ATP6V1C2: variants seen among roughly 807,000 people sequenced by gnomAD.
ATP6V1C2 encodes ATPase H+ transporting V1 subunit C2.
Under a neutral mutation model 56.8 loss-of-function variants are expected in ATP6V1C2, and 45 were observed. That is an observed-to-expected ratio of 0.79 (90% CI 0.62 to 1.02). The LOEUF is 1.02. ATP6V1C2 is among the 50% of genes least tolerant of loss of function. The pLI is 0.00. For synonymous variants in ATP6V1C2, 220 were observed against 201.3 expected (o/e 1.09, Z -0.79); for missense variants, 463 against 519.7 (o/e 0.89, Z 1.06).
Position 10,784,254 on chromosome 2 carries a change from G to C in ATP6V1C2, c.*991G>C. On this transcript the variant is annotated 3_prime_UTR_variant, in exon 14 of 14. Coordinates refer to ENST00000272238, the MANE Select transcript of ATP6V1C2 (RefSeq NM_001039362.2). ...AAAATGGTCTGAAGCCTCTGTTGTG[G>C]CTCTCACAACTCATCTTTCCCTAAG... 6.2e-7 allele frequency: 1 copy of C among 1,608,614 alleles called. No homozygotes were observed. The highest frequency in any genetic ancestry group is 1.7e-4 in the Middle Eastern group (1 of 6,048).
intron 3 of ATP6V1C2, among the ~76,000 whole-genome samples, chr2:10,749,991 A>T (rs886132108): frequency 6.6e-6 from 1 of 152,234 alleles, no homozygotes; most frequent in African/African-American, 2.4e-5. Context: ...TGAAAAAAGT[A>T]CATTTAACAC....
rs144683110 is a variant in ATP6V1C2 at position 10,768,587 on chromosome 2, A to G, written c.379-132A>G. On this transcript the variant is annotated intron_variant, in intron 5 of 13. Transcript: ENST00000272238. ...GGAAGGGCCAAATGCTGGTAAACAG[A>G]AGCCATCCCAGCAAATGGGCAGGGC... 6.2e-4 allele frequency: 452 copies of G among 730,206 alleles called. 2 individuals are homozygous for G. In the African/African-American group the frequency reaches 6.8e-3, roughly 11 times the overall value. 45.2% of individuals were successfully genotyped at this position (730,206 alleles called of 1,614,324 possible).
chr2:10,733,649 C>A (rs914473677), intron 3 of ATP6V1C2, among the ~76,000 whole-genome samples: 3 of 148,930 alleles, frequency 2.0e-5, no homozygotes, highest in African/African-American at 7.5e-5. Flanking sequence ...AAAAAAAAAA[C>A]CTCTCTCCCT....
At chr2:10,747,628 G>T (rs1335206714) in intron 3 of ATP6V1C2, among the ~76,000 whole-genome samples, 6 of 152,080 alleles carry the variant, frequency 3.9e-5, no homozygotes, top group Admixed American at 1.3e-4. Flanking sequence ...AGAAGGCTGA[G>T]GTGGGAGGAT....
rs1558434717 is a variant in ATP6V1C2 at position 10,784,224 on chromosome 2, A to G, written c.*961A>G. The G allele has an allele frequency of 1.3e-6, 2 of 1,571,164 alleles. No homozygotes were observed. Among genetic ancestry groups the G allele is most frequent in the African/African-American group, 1.4e-5 (1 of 73,642 alleles). On this transcript the variant is annotated 3_prime_UTR_variant, in exon 14 of 14. Transcript: ENST00000272238. Reference sequence around the variant, plus strand: ...CTGGAAAAATCCACTGGCTCCCAAGAAAAGAAAATGGTCTGAAGCCTCTGT... The same window carrying G: ...CTGGAAAAATCCACTGGCTCCCAAGGAAAGAAAATGGTCTGAAGCCTCTGT...
intron 12 of ATP6V1C2, 140 bp from the exon 13 acceptor site, chr2:10,782,103 G>C: frequency 1.0e-6 from 1 of 960,930 alleles, no homozygotes; most frequent in Non-Finnish European, 1.6e-6. Flanking sequence ...CTGACCCTAG[G>C]CATTTTGCTC....
intron 4 of ATP6V1C2, among the ~76,000 whole-genome samples, chr2:10,761,708 CT>C (rs1486080603): frequency 6.6e-6 from 1 of 152,170 alleles, no homozygotes; most frequent in African/African-American, 2.4e-5. Flanking sequence ...TCCTTGGTGC[CT>C]GTATGAGGAC....
chr2:10,778,502 C>A (rs760212260), intron 11 of ATP6V1C2, 70 bp from the exon 12 acceptor site: 21 of 1,472,294 alleles, frequency 1.4e-5, no homozygotes, highest in Non-Finnish European at 1.9e-5. Flanking sequence ...TGTCAAAACC[C>A]AAGTCCTTTC....
chr2:10,753,502 A>G (rs565466028), intron 3 of ATP6V1C2, among the ~76,000 whole-genome samples: 1 of 151,304 alleles, frequency 6.6e-6, no homozygotes, highest in South Asian at 2.1e-4. Flanking sequence ...GCTTCCCAGA[A>G]GTGGAATTAC....
rs1665584020 is a variant in ATP6V1C2, at chr2:10,784,255, C to T, written c.*992C>T. 6.2e-7 allele frequency: 1 copy of T among 1,609,324 alleles called. No homozygotes were observed. Among genetic ancestry groups the T allele is most frequent in the African/African-American group, 1.3e-5 (1 of 74,756 alleles). ...AAATGGTCTGAAGCCTCTGTTGTGG[C>T]TCTCACAACTCATCTTTCCCTAAGT... On this transcript the variant is annotated 3_prime_UTR_variant, in exon 14 of 14. Coordinates refer to ENST00000272238, the MANE Select transcript of ATP6V1C2 (RefSeq NM_001039362.2).
At chr2:10,749,044 C>T (rs1663069798) in intron 3 of ATP6V1C2, among the ~76,000 whole-genome samples, 1 of 148,740 alleles carries the variant, frequency 6.7e-6, no homozygotes, top group Non-Finnish European at 1.5e-5. Context: ...GCAGGAGAAT[C>T]ACTTGAACCC....
chr2:10,776,436 C>T (rs60810333), intron 10 of ATP6V1C2, among the ~76,000 whole-genome samples: 5,426 of 152,242 alleles, frequency 0.036, 330 homozygotes, highest in African/African-American at 0.12. Flanking sequence ...TGGGGACCCC[C>T]AGCCCTTTGG....
Position 10,760,323 on chromosome 2 carries a change from A to G in ATP6V1C2, c.284-4008A>G, listed in dbSNP as rs183050868. 4.8e-3 allele frequency among the ~76,000 whole-genome samples: 727 copies of G among 152,018 alleles called. 9 individuals carry two copies. The highest frequency in any genetic ancestry group is 0.017 in the African/African-American group (697 of 41,486). On this transcript the variant is annotated intron_variant, in intron 4 of 13. Transcript: ENST00000272238. ...AGGCCAGAGGTTGCAGTGAGCCAAG[A>G]TGGTGCCACTGCACTCCAGCCTGGG...
intron 3 of ATP6V1C2, among the ~76,000 whole-genome samples, chr2:10,743,665 G>A (rs1263281481): frequency 6.6e-6 from 1 of 151,312 alleles, no homozygotes; most frequent in East Asian, 2.0e-4. Context: ...GCACCATAGG[G>A]ACGCCCTGTC....
intron 3 of ATP6V1C2, among the ~76,000 whole-genome samples, chr2:10,727,616 C>T (rs555042181): frequency 3.9e-5 from 6 of 151,938 alleles, no homozygotes; most frequent in East Asian, 3.9e-4. Context: ...TGAAGGTTTC[C>T]GGCCAGGAGT....
chr2:10,779,857 C>T (rs6754297), intron 12 of ATP6V1C2, among the ~76,000 whole-genome samples: 8,730 of 152,102 alleles, frequency 0.057, 863 homozygotes, highest in African/African-American at 0.2. Flanking sequence ...TGAATAGATA[C>T]GTAATTCTTA....
At chr2:10,779,880 A>G (rs889711312) in intron 12 of ATP6V1C2, among the ~76,000 whole-genome samples, 1 of 152,056 alleles carries the variant, frequency 6.6e-6, no homozygotes, top group Non-Finnish European at 1.5e-5. Flanking sequence ...GATTTTTATG[A>G]AAGTGGAATC....
intron 3 of ATP6V1C2, among the ~76,000 whole-genome samples, chr2:10,727,397 A>C: frequency 6.6e-6 from 1 of 151,734 alleles, no homozygotes; most frequent in Non-Finnish European, 1.5e-5. Flanking sequence ...AAGAAAAAAA[A>C]AAAAAAAAAA....
At chr2:10,736,485 A>C (rs1450724427) in intron 3 of ATP6V1C2, among the ~76,000 whole-genome samples, 1 of 151,978 alleles carries the variant, frequency 6.6e-6, no homozygotes, top group Non-Finnish European at 1.5e-5. Context: ...ATTTTTTAGT[A>C]TTTGCATTTT....
Sources: allele counts gnomAD v4.1 joint callset (sites outside exome capture counted in the v4.1 genomes callset), GRCh38; gene constraint gnomAD v4.1.1; transcripts MANE v1.5; gene names NCBI Gene and HGNC (gene_info 2026-07-23, HGNC 2026-07-21).